The following MORC3 variants were observed in gnomAD, a reference collection of about 807,000 sequenced individuals.
The protein encoded by MORC3 is MORC family CW-type zinc finger 3.
In MORC3, 31 loss-of-function variants were observed where a neutral mutation model predicts 109.1. The observed-to-expected ratio is 0.28, with a 90% confidence interval of 0.21 to 0.38. MORC3 has a LOEUF of 0.38. Ranked by LOEUF, MORC3 falls within the 10% of genes least tolerant of loss-of-function variation. MORC3 has a pLI of 1.00. For synonymous variants in MORC3, 395 were observed against 380.7 expected (o/e 1.04, Z -0.44); for missense variants, 867 against 1,135.8 (o/e 0.76, Z 3.40).
chr21:36,364,132 A>G lies in MORC3; in HGVS notation c.1492A>G (p.Thr498Ala), dbSNP rs1254715800. 6.2e-7 allele frequency: 1 copy of G among 1,614,020 alleles called. No homozygotes were observed. Among genetic ancestry groups the G allele is most frequent in the Non-Finnish European group, 8.5e-7 (1 of 1,180,004 alleles). The change falls in exon 14 of 17, where the codon ACT becomes GCT. Residue 498 changes from threonine (T) to alanine (A), a missense_variant. Thr to Ala is a moderately conservative substitution (Grantham distance 58). Around this residue, in one of 7 missense-constraint regions of MORC3, gnomAD observed 486 missense variants for 502.1 expected, o/e 0.97. Transcript: ENST00000400485. The stretch of plus-strand genomic sequence containing the variant: ...GTTGTTTCGGCCAACTGCTCTTTCA[A>G]CTCCAAGCTTTTCTTCTCCTAAGGA... ...ELLFRPTALS[T>A]PSFSSPKESV... is the part of the protein sequence containing the mutation.
chr21:36,328,317 T>A (rs900352782), intron 1 of MORC3, among the ~76,000 whole-genome samples: 1 of 150,736 alleles, frequency 6.6e-6, no homozygotes, highest in African/African-American at 2.4e-5. Flanking sequence ...TCTTTTGTTA[T>A]TTATAATAAT....
In MORC3 at chr21:36,369,352, A is replaced by G. The variant is rs764395098; in HGVS notation, c.1984A>G (p.Arg662Gly). Residue 662 changes from arginine (R) to glycine (G), a missense_variant, in exon 15 of 17, where the codon AGA becomes GGA. Coordinates refer to ENST00000400485, the MANE Select transcript of MORC3 (RefSeq NM_015358.3). ...AACTGTTGAAGACGAGATAGACGTA[A>G]GAAATGATGCAGTGATTCTGCCCTC... ...EETVEDEIDV[R>G]NDAVILPSCV... 1 of 1,614,232 alleles carries G rather than the reference A, an allele frequency of 6.2e-7. No individual in the cohort carries two copies. Among genetic ancestry groups the G allele is most frequent in the Non-Finnish European group, 8.5e-7 (1 of 1,180,036 alleles).
chr21:36,321,224 T>G (rs1015243267), intron 1 of MORC3, among the ~76,000 whole-genome samples: 3 of 152,246 alleles, frequency 2.0e-5, no homozygotes, highest in Non-Finnish European at 4.4e-5. Flanking sequence ...AGGCAGATTC[T>G]AACACCTGGT....
At chr21:36,338,178 C>G (rs547630538) in intron 4 of MORC3, among the ~76,000 whole-genome samples, 4 of 152,266 alleles carry the variant, frequency 2.6e-5, no homozygotes, top group Non-Finnish European at 5.9e-5. Flanking sequence ...CTTCCCATAG[C>G]TCTTCTGTTT....
chr21:36,320,980 C>A (rs908320383), intron 1 of MORC3, among the ~76,000 whole-genome samples: 2 of 152,188 alleles, frequency 1.3e-5, no homozygotes, highest in African/African-American at 4.8e-5. Context: ...TGAAATCTCA[C>A]GTCCAGGAAA....
intron 2 of MORC3, 52 bp from the exon 3 acceptor site, chr21:36,336,822 T>G: frequency 6.5e-7 from 1 of 1,528,662 alleles, no homozygotes; most frequent in Non-Finnish European, 8.8e-7. Context: ...TCTGAACTAA[T>G]TGCTCTTTTT....
At chr21:36,371,993 TG>T (rs1601544299) in intron 15 of MORC3, among the ~76,000 whole-genome samples, 1 of 152,074 alleles carries the variant, frequency 6.6e-6, no homozygotes, top group East Asian at 1.9e-4. Context: ...TTGTATTTTT[TG>T]TAGAGATGGG....
intron 1 of MORC3, among the ~76,000 whole-genome samples, chr21:36,332,688 A>G (rs1230509760): frequency 1.3e-5 from 2 of 151,596 alleles, no homozygotes; most frequent in Non-Finnish European, 2.9e-5. Flanking sequence ...GAATTTGTAC[A>G]GTTAGTTTTC....
intron 8 of MORC3, among the ~76,000 whole-genome samples, chr21:36,346,282 G>A (rs1033520417): frequency 6.6e-5 from 10 of 152,190 alleles, no homozygotes; most frequent in African/African-American, 1.9e-4. Context: ...GCTTCTCAGC[G>A]TGCTCAGATT....
At chr21:36,367,257 C>T (rs926998724) in intron 14 of MORC3, among the ~76,000 whole-genome samples, 3 of 152,198 alleles carry the variant, frequency 2.0e-5, no homozygotes, top group South Asian at 2.1e-4. Context: ...CCACCCTTCC[C>T]TCCTCACTGG....
chr21:36,326,818 A>T (rs1038775267), intron 1 of MORC3, among the ~76,000 whole-genome samples: 4,030 of 144,590 alleles, frequency 0.028, 163 homozygotes, highest in African/African-American at 0.092. Context: ...AAATTTAAAG[A>T]TTTTTTTTTT....
At chr21:36,352,406 G>A (rs530011501) in intron 9 of MORC3, among the ~76,000 whole-genome samples, 2,394 of 147,904 alleles carry the variant, frequency 0.016, 47 homozygotes, top group Non-Finnish European at 0.021. Context: ...GGTGGGGGGG[G>A]GCAGGTTGAA....
Position 36,356,768 on chromosome 21 carries a change from A to G in MORC3, c.1208+44A>G, listed in dbSNP as rs150917815. Reference sequence around the variant, plus strand: ...CATATCATTTCACTTAGATATCAAGATGTGGTATTAGAGAGTAAAGGGATT... The same window carrying G: ...CATATCATTTCACTTAGATATCAAGGTGTGGTATTAGAGAGTAAAGGGATT... On this transcript the variant is annotated intron_variant, in intron 10 of 16. Coordinates refer to ENST00000400485, the MANE Select transcript of MORC3 (RefSeq NM_015358.3). 2.0e-4 allele frequency: 249 copies of G among 1,252,432 alleles called. 1 individual carries two copies. The African/African-American group carries it at 2.7e-3, about 13-fold the overall frequency. 77.6% of individuals were successfully genotyped at this position (1,252,432 alleles called of 1,614,324 possible).
chr21:36,362,117 T>TGGCAG, intron 12 of MORC3, 66 bp from the exon 13 acceptor site: 2 of 1,511,256 alleles, frequency 1.3e-6, no homozygotes, highest in Non-Finnish European at 1.8e-6. Flanking sequence ...ACTGCATAAA[T>TGGCAG]GGCAGGTATG....
chr21:36,329,303 A>C (rs916553807), intron 1 of MORC3, among the ~76,000 whole-genome samples: 1 of 149,324 alleles, frequency 6.7e-6, no homozygotes, highest in Non-Finnish European at 1.5e-5. Flanking sequence ...TCAAAAACAA[A>C]AAAAAAAAAA....
At chr21:36,360,403 T>TA in intron 12 of MORC3, 145 bp downstream of exon 12, 3 of 770,562 alleles carry the variant, frequency 3.9e-6, no homozygotes, top group Non-Finnish European at 4.1e-6. Context: ...TCAAGGGCTT[T>TA]AAAAACAAAA....
chr21:36,345,852 C>T (rs372647889), intron 8 of MORC3, among the ~76,000 whole-genome samples: 24 of 151,680 alleles, frequency 1.6e-4, no homozygotes, highest in East Asian at 5.9e-4. Flanking sequence ...CCACCGCGCC[C>T]GGCTTTATTT....
chr21:36,343,266 TG>T (rs960297683), intron 6 of MORC3, among the ~76,000 whole-genome samples: 4 of 151,408 alleles, frequency 2.6e-5, no homozygotes, highest in African/African-American at 9.7e-5. Context: ...CGGCTAATTT[TG>T]CATTTTTAGT....
intron 14 of MORC3, among the ~76,000 whole-genome samples, chr21:36,366,536 A>G (rs769065003): frequency 1.3e-5 from 2 of 151,872 alleles, no homozygotes; most frequent in East Asian, 1.9e-4. Context: ...GTTTACTGCA[A>G]CCTCTGCCTC....
Sources: allele counts gnomAD v4.1 joint callset (sites outside exome capture counted in the v4.1 genomes callset), GRCh38; gene constraint gnomAD v4.1.1; regional missense constraint gnomAD v4.1.1; transcripts MANE v1.5; gene names NCBI Gene and HGNC (gene_info 2026-07-23, HGNC 2026-07-21).